Variants in CDH4 observed in about 807,000 individuals in gnomAD.
The protein encoded by CDH4 is cadherin 4.
A neutral mutation model predicts 86.0 loss-of-function variants in CDH4; 33 were observed. That is an observed-to-expected ratio of 0.38 (90% CI 0.29 to 0.51). The LOEUF is 0.51. Among genes scored for constraint, CDH4 ranks in the 20% least tolerant of loss-of-function variants. The pLI, the probability that CDH4 is intolerant of heterozygous loss-of-function variation, is 0.86. For synonymous variants in CDH4, 555 were observed against 549.4 expected (o/e 1.01, Z -0.14); for missense variants, 1,114 against 1,307.4 (o/e 0.85, Z 2.28).
At chr20:61,524,516 A>C in intron 2 of CDH4, among the ~76,000 whole-genome samples, 1 of 149,526 alleles carries the variant, frequency 6.7e-6, no homozygotes. Context: ...ACAGAGTCTC[A>C]CTCTGTCTCC....
intron 2 of CDH4, among the ~76,000 whole-genome samples, chr20:61,270,299 C>T (rs958926684): frequency 2.0e-5 from 3 of 152,198 alleles, no homozygotes; most frequent in Admixed American, 1.3e-4. Flanking sequence ...GTAAGTTGTT[C>T]TGAGGATAGG....
chr20:61,507,675 C>T (rs951188154), intron 2 of CDH4, among the ~76,000 whole-genome samples: 1 of 152,172 alleles, frequency 6.6e-6, no homozygotes, highest in African/African-American at 2.4e-5. Context: ...GCAACCGTCA[C>T]AGCCAAGAGG....
chr20:61,481,933 C>A (rs191194571), intron 2 of CDH4, among the ~76,000 whole-genome samples: 4 of 152,212 alleles, frequency 2.6e-5, no homozygotes, highest in African/African-American at 9.7e-5. Flanking sequence ...CTTTTCCATA[C>A]ATATCGATGA....
chr20:61,585,564 A>T (rs375438578), intron 2 of CDH4, among the ~76,000 whole-genome samples: 6 of 152,370 alleles, frequency 3.9e-5, no homozygotes, highest in Admixed American at 2.0e-4. Flanking sequence ...ATAGGAATTT[A>T]TTGAGAATCT....
rs937427593 is a variant in CDH4 at position 61,518,981 on chromosome 20, C to A, written c.170-224582C>A. The stretch of plus-strand genomic sequence containing the variant: ...TCCATTATTTATCCATCCATCCATC[C>A]TTCATCCATCCATTCATCCATGCAT... On this transcript the variant is annotated intron_variant, in intron 2 of 15. Coordinates refer to ENST00000614565, the MANE Select transcript of CDH4 (RefSeq NM_001794.5). This position sits in a 1 kb window ranked among gnomAD's most constrained non-coding sequence, Gnocchi z 6.3. Among the ~76,000 whole-genome samples the A allele has an allele frequency of 1.3e-5, 2 of 151,408 alleles. No homozygotes were observed. The highest frequency in any genetic ancestry group is 4.9e-5 in the African/African-American group (2 of 41,016).
intron 4 of CDH4, among the ~76,000 whole-genome samples, chr20:61,823,165 C>T (rs1981131658): frequency 9.0e-6 from 1 of 111,698 alleles, no homozygotes; most frequent in South Asian, 3.2e-4. Context: ...GGCCCACTCA[C>T]ACTGTTGAGG....
At chr20:61,620,878 C>T (rs1379223455) in intron 2 of CDH4, among the ~76,000 whole-genome samples, 3 of 152,222 alleles carry the variant, frequency 2.0e-5, no homozygotes, top group Admixed American at 1.3e-4. Context: ...ATTTTCCCAG[C>T]GCCTCCACCA....
At chr20:61,777,097 A>G (rs4925286) in intron 4 of CDH4, among the ~76,000 whole-genome samples, 79,596 of 151,958 alleles carry the variant, frequency 0.52, 21,054 homozygotes, top group East Asian at 0.71. Context: ...TCAGTTCGCC[A>G]TAGTGCTTGG....
chr20:61,835,672 G>A (rs759604049), intron 4 of CDH4, among the ~76,000 whole-genome samples: 1 of 152,216 alleles, frequency 6.6e-6, no homozygotes, highest in East Asian at 1.9e-4. Context: ...GACATCACTC[G>A]TCCCTCCCGC....
At chr20:61,697,030 C>T (rs2087721611) in intron 2 of CDH4, among the ~76,000 whole-genome samples, 1 of 152,142 alleles carries the variant, frequency 6.6e-6, no homozygotes, top group African/African-American at 2.4e-5. Context: ...TGGAAGGGCC[C>T]TCCCCTAGAG....
chr20:61,293,093 A>C (rs2084332630), intron 2 of CDH4, among the ~76,000 whole-genome samples: 1 of 152,134 alleles, frequency 6.6e-6, no homozygotes, highest in African/African-American at 2.4e-5. Context: ...GATCCCCTGC[A>C]GCTCCCATCA....
chr20:61,486,201 T>C (rs1477401928), intron 2 of CDH4, among the ~76,000 whole-genome samples: 2 of 152,240 alleles, frequency 1.3e-5, no homozygotes, highest in African/African-American at 4.8e-5. Flanking sequence ...CACACCGCCA[T>C]GCTGTAAGCA....
At chr20:61,410,451 A>G (rs2085111885) in intron 2 of CDH4, among the ~76,000 whole-genome samples, 1 of 127,562 alleles carries the variant, frequency 7.8e-6, no homozygotes, top group Admixed American at 8.1e-5. Context: ...CCATCCATCC[A>G]TCCATCCATC....
In CDH4 at chr20:61,683,964, C is replaced by G. The variant is rs537025258; in HGVS notation, c.170-59599C>G. Among the ~76,000 whole-genome samples the G allele has an allele frequency of 2.6e-5, 4 of 152,288 alleles. No homozygotes were observed. The South Asian group carries it at 8.3e-4, about 32-fold the overall frequency. On this transcript the variant is annotated intron_variant, in intron 2 of 15. Coordinates refer to ENST00000614565, the MANE Select transcript of CDH4 (RefSeq NM_001794.5). Reference sequence around the variant, plus strand: ...CCTGGCGGTGGGTGAGACTGTAGCCCCATCACAACCACATCATCCCCTTCC... The same window carrying G: ...CCTGGCGGTGGGTGAGACTGTAGCCGCATCACAACCACATCATCCCCTTCC...
In CDH4 at chr20:61,923,615, G is replaced by T. The variant is rs267606036; in HGVS notation, c.1539G>T (p.Leu513=). Residue 513 remains leucine, a synonymous_variant, in exon 10 of 16, where the codon CTG becomes CTT. Transcript: ENST00000614565. ...CCTACTTCCCCTCAAACCACAAGCT[G>T]ATCCGCCTGGAGGAGGGCGTGCCCC... ...EAPYFPSNHK[L]IRLEEGVPPG... The T allele has an allele frequency of 6.2e-7, 1 of 1,614,002 alleles. No individual in the cohort carries two copies. Among genetic ancestry groups the T allele is most frequent in the African/African-American group, 1.3e-5 (1 of 74,942 alleles).
chr20:61,283,435 CTGTGGTG>C (rs149605014), intron 2 of CDH4, among the ~76,000 whole-genome samples: 1,560 of 36,590 alleles, frequency 0.043, 10 homozygotes, highest in South Asian at 0.1. Flanking sequence ...CACGCGTGTG[CTGTGGTG>C]TGTGTGATGT....
intron 2 of CDH4, among the ~76,000 whole-genome samples, chr20:61,348,836 T>C (rs113856849): frequency 6.6e-6 from 1 of 152,212 alleles, no homozygotes; most frequent in African/African-American, 2.4e-5. Flanking sequence ...CTCTCAAGTA[T>C]GGAAGAGAAA....
rs1392049956 is a variant in CDH4 at position 61,939,503 on chromosome 20, C to T, written c.*2560C>T. The T allele has an allele frequency of 1.3e-5, 2 of 152,424 alleles. No individual in the cohort carries two copies. Among genetic ancestry groups the T allele is most frequent in the African/African-American group, 4.8e-5 (2 of 41,486 alleles). The allele number at this position is 152,424 out of a possible 1,614,324, so 9.4% of individuals were successfully genotyped here. A position where few individuals can be genotyped will look rare whatever the true frequency, so the allele number is the denominator to read the frequency against. On this transcript the variant is annotated 3_prime_UTR_variant, in exon 16 of 16. Transcript: ENST00000614565. Reference sequence around the variant, plus strand: ...GCTCCAAACAGCTGGACAGCTTCCCCTCTACCCCCACCCTGGTGAGCCCCT... The same window carrying T: ...GCTCCAAACAGCTGGACAGCTTCCCTTCTACCCCCACCCTGGTGAGCCCCT...
chr20:61,386,979 C>T (rs183876749), intron 2 of CDH4, among the ~76,000 whole-genome samples: 10 of 152,314 alleles, frequency 6.6e-5, no homozygotes, highest in Admixed American at 4.6e-4. Flanking sequence ...GGAACTCCCG[C>T]GAGTTCTGTT....
Sources: gnomAD v4.1 joint callset for allele counts (sites outside exome capture counted in the v4.1 genomes callset) on GRCh38, gnomAD v4.1.1 for gene constraint, Gnocchi (gnomAD v3.1) non-coding constraint, MANE v1.5 for transcripts, NCBI Gene and HGNC (gene_info 2026-07-23, HGNC 2026-07-21) for gene names.